Variants in LRRC4C observed in about 807,000 individuals in gnomAD.
LRRC4C encodes the protein leucine-rich repeat-containing protein 4C.
Under a neutral mutation model 33.6 loss-of-function variants are expected in LRRC4C, and 5 were observed. The ratio of observed to expected loss-of-function variants is 0.15; its 90% CI spans 0.08 to 0.31. The LOEUF (loss-of-function observed/expected upper bound fraction) is 0.31, where lower values mean the gene tolerates loss of function less well. Ranked by LOEUF, LRRC4C falls within the 10% of genes least tolerant of loss-of-function variation. The pLI is 1.00. For synonymous variants in LRRC4C, 329 were observed against 302.0 expected, an observed-to-expected ratio of 1.09 and a Z score of -0.93; for missense variants, 560 against 796.7, an observed-to-expected ratio of 0.70 and a Z score of 3.58.
intron 3 of LRRC4C, among the ~76,000 whole-genome samples, chr11:40,336,608 C>T (rs1946614887): frequency 6.6e-6 from 1 of 152,094 alleles, no homozygotes. Flanking sequence ...AGCATCACTT[C>T]AGTTAATGTA....
chr11:40,683,020 A>AATAT (rs1944774757), intron 2 of LRRC4C, among the ~76,000 whole-genome samples: 1 of 152,212 alleles, frequency 6.6e-6, no homozygotes, highest in Admixed American at 6.5e-5. Flanking sequence ...ATGCAAAAGA[A>AATAT]ATAAAGAAAC....
chr11:40,165,338 TGTG>T (rs1413200856), intron 5 of LRRC4C, among the ~76,000 whole-genome samples: 5 of 152,150 alleles, frequency 3.3e-5, no homozygotes, highest in Admixed American at 2.0e-4. Context: ...GTATGTGTGT[TGTG>T]GGAGTTTGTG....
chr11:40,540,543 CT>C (rs1331369310), intron 3 of LRRC4C, among the ~76,000 whole-genome samples: 1 of 152,118 alleles, frequency 6.6e-6, no homozygotes. Flanking sequence ...TAAAAGCCAA[CT>C]AGTGCTCCCT....
chr11:40,777,068 G>T (rs1285250379), intron 2 of LRRC4C, among the ~76,000 whole-genome samples: 1 of 152,012 alleles, frequency 6.6e-6, no homozygotes, highest in Non-Finnish European at 1.5e-5. Context: ...TTCTATTTTA[G>T]TTCCACTACG....
chr11:40,717,506 G>A lies in LRRC4C; in HGVS notation c.-406-69228C>T, dbSNP rs1188766646. 3.8e-4 allele frequency among the ~76,000 whole-genome samples: 58 copies of A among 151,978 alleles called. 1 individual carries two copies. The highest frequency in any genetic ancestry group is 3.8e-3 in the Admixed American group (58 of 15,248). ...TTTCTTTTTGGTACTAATGTTCTTA[G>A]TTATCCATAAACTACTCTTCCTGTT... On this transcript the variant is annotated intron_variant, in intron 2 of 6. Coordinates refer to ENST00000528697, the MANE Select transcript of LRRC4C (RefSeq NM_001258419.2).
intron 2 of LRRC4C, among the ~76,000 whole-genome samples, chr11:40,922,664 T>C (rs759939855): frequency 2.0e-5 from 3 of 152,210 alleles, no homozygotes; most frequent in Non-Finnish European, 4.4e-5. Context: ...AATAACTTTA[T>C]ACTCTTCTTT....
At chr11:40,276,475 A>G (rs1943106731) in intron 4 of LRRC4C, among the ~76,000 whole-genome samples, 1 of 152,162 alleles carries the variant, frequency 6.6e-6, no homozygotes, top group South Asian at 2.1e-4. Flanking sequence ...GTGTTCATTC[A>G]AATATGGAGC....
At position 41,229,052 on chromosome 11, in the gene LRRC4C, A is replaced by C. The variant is rs543152133; in HGVS notation, c.-496+230379T>G. On this transcript the variant is annotated intron_variant, in intron 1 of 6. Transcript: ENST00000528697. Reference sequence around the variant, plus strand: ...TATTTGTTGCATTTTCTGACTTTTCATTATGAATTTCCATTGGGGATTTAA... The same window carrying C: ...TATTTGTTGCATTTTCTGACTTTTCCTTATGAATTTCCATTGGGGATTTAA... Among the ~76,000 whole-genome samples the C allele has an allele frequency of 5.7e-4, 86 of 152,180 alleles. 1 individual carries two copies. Among genetic ancestry groups the C allele is most frequent in the African/African-American group, 2.0e-3 (84 of 41,538 alleles).
At chr11:40,423,596 G>T (rs1950607434) in intron 3 of LRRC4C, among the ~76,000 whole-genome samples, 1 of 151,800 alleles carries the variant, frequency 6.6e-6, no homozygotes, top group African/African-American at 2.4e-5. Flanking sequence ...CGCCCGCCTC[G>T]GCCTCCCAAA....
chr11:41,222,254 C>T (rs1343456950), intron 1 of LRRC4C, among the ~76,000 whole-genome samples: 3 of 152,124 alleles, frequency 2.0e-5, no homozygotes, highest in Non-Finnish European at 4.4e-5. Context: ...CATACTGTGG[C>T]ACTTGAATAA....
intron 2 of LRRC4C, among the ~76,000 whole-genome samples, chr11:40,892,365 A>G (rs1181312700): frequency 6.6e-6 from 1 of 152,130 alleles, no homozygotes; most frequent in African/African-American, 2.4e-5. Context: ...ACATGTACAT[A>G]TGCACAATGG....
intron 1 of LRRC4C, among the ~76,000 whole-genome samples, chr11:41,109,297 A>G (rs1234326336): frequency 6.6e-6 from 1 of 152,088 alleles, no homozygotes; most frequent in Non-Finnish European, 1.5e-5. Flanking sequence ...AATTGCTAAA[A>G]GACAGCTCTC....
intron 4 of LRRC4C, among the ~76,000 whole-genome samples, chr11:40,252,044 A>G (rs1175551230): frequency 6.6e-6 from 1 of 152,142 alleles, no homozygotes; most frequent in Non-Finnish European, 1.5e-5. Flanking sequence ...ATCCTATTTC[A>G]TGGAATCAGA....
chr11:41,097,268 T>C (rs962248362), intron 1 of LRRC4C, among the ~76,000 whole-genome samples: 1 of 152,168 alleles, frequency 6.6e-6, no homozygotes, highest in African/African-American at 2.4e-5. Context: ...CCTAAGATGG[T>C]AAACTAGAAG....
chr11:41,341,428 CAATTGTAGT>C (rs1951635037), intron 1 of LRRC4C, among the ~76,000 whole-genome samples: 1 of 152,100 alleles, frequency 6.6e-6, no homozygotes, highest in Admixed American at 6.5e-5. Context: ...CATACTTCAC[CAATTGTAGT>C]AATTTAATGA....
At chr11:40,340,491 C>T (rs964214883) in intron 3 of LRRC4C, among the ~76,000 whole-genome samples, 3 of 151,968 alleles carry the variant, frequency 2.0e-5, no homozygotes, top group Non-Finnish European at 4.4e-5. Context: ...GGGACTGAGG[C>T]TAAGGGATAC....
intron 2 of LRRC4C, among the ~76,000 whole-genome samples, chr11:40,882,955 G>A (rs974394447): frequency 2.0e-5 from 3 of 151,952 alleles, no homozygotes; most frequent in Admixed American, 2.0e-4. Context: ...CTTCAAAATG[G>A]GGTTTATTAT....
At position 41,042,000 on chromosome 11, in the gene LRRC4C, T is replaced by C. The variant is rs138234675; in HGVS notation, c.-495-108277A>G. ...TCAAAATATGATGACAAGAATTTACTCACCTAAATTCACTAGCACAGATCT... is the reference window on the plus strand; with the variant it reads ...TCAAAATATGATGACAAGAATTTACCCACCTAAATTCACTAGCACAGATCT... On this transcript the variant is annotated intron_variant, in intron 1 of 6. Transcript: ENST00000528697. Among the ~76,000 whole-genome samples, 1,103 of 152,264 alleles carry C rather than the reference T, an allele frequency of 7.2e-3. 10 individuals carry two copies. The highest frequency in any genetic ancestry group is 0.025 in the African/African-American group (1,020 of 41,552).
intron 2 of LRRC4C, among the ~76,000 whole-genome samples, chr11:40,795,209 T>A (rs1013379008): frequency 2.0e-5 from 3 of 152,120 alleles, no homozygotes; most frequent in Non-Finnish European, 4.4e-5. Context: ...TCTTTACTTC[T>A]CCACATCCAT....
Sources: gnomAD v4.1 joint callset for allele counts (sites outside exome capture counted in the v4.1 genomes callset) on GRCh38, gnomAD v4.1.1 for gene constraint, MANE v1.5 for transcripts, NCBI Gene and HGNC (gene_info 2026-07-23, HGNC 2026-07-21) for gene names.